Variants in EPHA2 observed in about 807,000 individuals in gnomAD.
The protein encoded by EPHA2 is EPH receptor A2, also known as ephrin type-A receptor 2.
Under a neutral mutation model 104.9 loss-of-function variants are expected in EPHA2, and 54 were observed. The observed-to-expected ratio is 0.51, with a 90% CI of 0.41 to 0.65. EPHA2 has a LOEUF of 0.65. Among genes scored for constraint, EPHA2 ranks in the 30% least tolerant of loss-of-function variants. The pLI is 0.00. For synonymous variants in EPHA2, 560 were observed against 559.1 expected (o/e 1.00, Z -0.02); for missense variants, 1,117 against 1,369.5 (o/e 0.82, Z 2.91).
intron 3 of EPHA2, among the ~76,000 whole-genome samples, chr1:16,147,865 T>G (rs77775010): frequency 0.024 from 3,677 of 151,874 alleles, 165 homozygotes; most frequent in African/African-American, 0.085. Flanking sequence ...TGTTTCTCAA[T>G]TCATTCATTC....
intron 3 of EPHA2, among the ~76,000 whole-genome samples, chr1:16,145,671 G>A (rs2024919472): frequency 6.6e-6 from 1 of 152,010 alleles, no homozygotes; most frequent in Non-Finnish European, 1.5e-5. Flanking sequence ...CTCCAACAGA[G>A]CCCCCAAGCC....
At chr1:16,151,508 A>G (rs1192509432) in intron 1 of EPHA2, among the ~76,000 whole-genome samples, 2 of 151,542 alleles carry the variant, frequency 1.3e-5, no homozygotes, top group Non-Finnish European at 2.9e-5. Flanking sequence ...GTACACGTGC[A>G]TCTTGCGGTA....
chr1:16,147,484 T>C (rs2863840), intron 3 of EPHA2, among the ~76,000 whole-genome samples: 144,608 of 152,008 alleles, frequency 0.95, 69,025 homozygotes, highest in Non-Finnish European at 0.99. Flanking sequence ...AGTTTAAGTA[T>C]CTTGCCTAAG....
In EPHA2 at chr1:16,134,323, C is replaced by T. The variant is rs2024638918; in HGVS notation, c.1682+145G>A. The T allele has an allele frequency of 3.2e-6, 3 of 941,532 alleles. No individual in the cohort carries two copies. Among genetic ancestry groups the T allele is most frequent in the African/African-American group, 3.3e-5 (2 of 61,122 alleles). The allele number at this position is 941,532 out of a possible 1,614,324, so 58.3% of individuals were successfully genotyped here. ...CCAGGCACTTCGCTACACACTCTAA[C>T]TCGTATATCCTCGCACCATCCGGAG... On this transcript the variant is annotated intron_variant, in intron 8 of 16. Coordinates refer to ENST00000358432, the MANE Select transcript of EPHA2 (RefSeq NM_004431.5). The surrounding 1 kb of genome is among the most constrained non-coding windows in gnomAD (Gnocchi z 4.5).
chr1:16,151,792 T>C (rs895286708), intron 1 of EPHA2, among the ~76,000 whole-genome samples: 3 of 152,142 alleles, frequency 2.0e-5, no homozygotes, highest in Non-Finnish European at 4.4e-5. Context: ...ATAAAAGCCC[T>C]TGTAGGGGAC....
rs553569533 is a variant in EPHA2, at chr1:16,125,589, T to G, written c.2826-269A>C. Among the ~76,000 whole-genome samples the G allele has an allele frequency of 1.2e-3, 176 of 152,258 alleles. 1 individual carries two copies. The highest frequency in any genetic ancestry group is 2.3e-3 in the Non-Finnish European group (154 of 68,026). On this transcript the variant is annotated intron_variant, in intron 16 of 16. Coordinates refer to ENST00000358432, the MANE Select transcript of EPHA2 (RefSeq NM_004431.5). This position sits in a 1 kb window ranked among gnomAD's most constrained non-coding sequence, Gnocchi z 4.9. ...CAGAAGCCTCAACTCTGTACGATGC[T>G]TTAAAAAAATAAAAATAAATCAAAT...
chr1:16,149,336 G>A (rs2024995145), intron 2 of EPHA2, among the ~76,000 whole-genome samples: 1 of 152,154 alleles, frequency 6.6e-6, no homozygotes, highest in South Asian at 2.1e-4. Context: ...TGCTCTCTAA[G>A]CCGCAATTTC....
rs141123184 is a variant in EPHA2, at chr1:16,135,144, C to T, written c.1474G>A (p.Val492Met). The T allele has an allele frequency of 2.0e-5, 33 of 1,613,912 alleles. No homozygotes were observed. The highest frequency in any genetic ancestry group is 1.8e-4 in the East Asian group (8 of 44,892). The change falls in exon 7 of 17, where the codon GTG (valine) becomes ATG (methionine). Residue 492 changes from valine to methionine, a missense_variant. Physicochemically the swap from Val to Met is conservative, Grantham distance 21. Coordinates refer to ENST00000358432, the MANE Select transcript of EPHA2 (RefSeq NM_004431.5). The surrounding 1 kb of genome is among the most constrained non-coding windows in gnomAD (Gnocchi z 4.3). Reference protein sequence around the residue: ...YNVRRTEGFSVTLDDLAPDTT... With the variant: ...YNVRRTEGFSMTLDDLAPDTT... ...TCTGGGGCCAGGTCGTCCAGGGTCACGGAGAAACCCTCGGTGCGGCGCACA... is the reference window on the plus strand; with the variant it reads ...TCTGGGGCCAGGTCGTCCAGGGTCATGGAGAAACCCTCGGTGCGGCGCACA...
rs116039767 is a variant in EPHA2, at chr1:16,150,810, C to T, written c.153+86G>A. On this transcript the variant is annotated intron_variant, in intron 2 of 16. Coordinates refer to ENST00000358432, the MANE Select transcript of EPHA2 (RefSeq NM_004431.5). This position sits in a 1 kb window ranked among gnomAD's most constrained non-coding sequence, Gnocchi z 4.8. The stretch of plus-strand genomic sequence containing the variant: ...GCTGCTGAATTGAAGCCAGGCCCCA[C>T]GCTCCCTGGGCCTCAGTTTCTCCAT... 8.0e-3 allele frequency: 11,709 copies of T among 1,462,926 alleles called. 66 individuals are homozygous for T. Among genetic ancestry groups the T allele is most frequent in the Non-Finnish European group, 9.2e-3 (9,606 of 1,045,284 alleles). The allele number at this position is 1,462,926 out of a possible 1,614,324, so 90.6% of individuals were successfully genotyped here.
At position 16,150,146 on chromosome 1, in the gene EPHA2, T is replaced by G. The variant is rs1362266354; in HGVS notation, c.153+750A>C. On this transcript the variant is annotated intron_variant, in intron 2 of 16. Coordinates refer to ENST00000358432, the MANE Select transcript of EPHA2 (RefSeq NM_004431.5). The surrounding 1 kb of genome is among the most constrained non-coding windows in gnomAD (Gnocchi z 4.8). The stretch of plus-strand genomic sequence containing the variant: ...TGACCGGGGACAAGAACTCGACTCA[T>G]GCAGATCTGGCCAGCTCTGGGAACT... Among the ~76,000 whole-genome samples the G allele has an allele frequency of 2.0e-5, 3 of 152,106 alleles. No individual in the cohort carries two copies. The highest frequency in any genetic ancestry group is 7.2e-5 in the African/African-American group (3 of 41,426).
At position 16,148,760 on chromosome 1, in the gene EPHA2, G is replaced by A. The variant is rs778278534; in HGVS notation, c.441C>T (p.Pro147=). The A allele has an allele frequency of 2.7e-5, 44 of 1,613,890 alleles. No individual in the cohort carries two copies. Among genetic ancestry groups the A allele is most frequent in the Non-Finnish European group, 3.4e-5 (40 of 1,180,052 alleles). ...RLFTKIDTIA[P]DEITVSSDFE... ...AGTCGCTGCTGACGGTGATCTCATC[G>A]GGCGCAATGGTGTCAATCTTGGTGA... The change falls in exon 3 of 17, where the codon CCC becomes CCT. Residue 147 remains proline (P), a synonymous_variant. Coordinates refer to ENST00000358432, the MANE Select transcript of EPHA2 (RefSeq NM_004431.5). The surrounding 1 kb of genome is among the most constrained non-coding windows in gnomAD (Gnocchi z 4.9).
chr1:16,142,391 A>G (rs927185455), intron 3 of EPHA2, among the ~76,000 whole-genome samples: 23 of 152,260 alleles, frequency 1.5e-4, no homozygotes, highest in Admixed American at 1.4e-3. Context: ...AGCTTCCGTG[A>G]GACCAGCAGC....
chr1:16,146,296 C>G (rs868605427), intron 3 of EPHA2: 1 of 152,152 alleles, frequency 6.6e-6, no homozygotes, highest in African/African-American at 2.4e-5. Flanking sequence ...GGGGGCTGCT[C>G]GGCTCTCTGC....
At chr1:16,145,527 T>G (rs2024917086) in intron 3 of EPHA2, among the ~76,000 whole-genome samples, 1 of 152,102 alleles carries the variant, frequency 6.6e-6, no homozygotes, top group African/African-American at 2.4e-5. Context: ...GGGTCTGGTT[T>G]GTCACCAGCA....
At chr1:16,139,000 CCGGGGCTGACCAGG>C (rs1201558264) in intron 3 of EPHA2, among the ~76,000 whole-genome samples, 1 of 152,248 alleles carries the variant, frequency 6.6e-6, no homozygotes, top group African/African-American at 2.4e-5. Flanking sequence ...TCCTTTCCAT[CCGGGGCTGACCAGG>C]AAGCAGGAAA....
At chr1:16,153,273 C>T (rs1218804928) in intron 1 of EPHA2, 2 of 985,324 alleles carry the variant, frequency 2.0e-6, no homozygotes, top group African/African-American at 3.5e-5. Flanking sequence ...TCTCCGCAGC[C>T]TCCGAGGCTG....
intron 16 of EPHA2, among the ~76,000 whole-genome samples, chr1:16,126,983 G>A (rs978066496): frequency 7.9e-5 from 12 of 152,128 alleles, no homozygotes; most frequent in African/African-American, 1.2e-4. Context: ...ATGCTTTAGC[G>A]GAGGTTGGGC....
chr1:16,129,022 C>G (rs56798834), intron 16 of EPHA2, among the ~76,000 whole-genome samples: 1 of 151,760 alleles, frequency 6.6e-6, no homozygotes, highest in Non-Finnish European at 1.5e-5. Flanking sequence ...CTGCTCTCCC[C>G]CTCATGGCTG....
intron 3 of EPHA2, among the ~76,000 whole-genome samples, chr1:16,142,558 G>A (rs1262010232): frequency 6.6e-6 from 1 of 151,834 alleles, no homozygotes; most frequent in Non-Finnish European, 1.5e-5. Context: ...TGGATGGGTG[G>A]GTGGATGAAT....
Sources: allele counts gnomAD v4.1 joint callset (sites outside exome capture counted in the v4.1 genomes callset), GRCh38; gene constraint gnomAD v4.1.1; non-coding constraint Gnocchi (gnomAD v3.1); transcripts MANE v1.5; gene names NCBI Gene and HGNC (gene_info 2026-07-23, HGNC 2026-07-21).